The following SLC37A3 variants were observed in gnomAD, a reference collection of about 807,000 sequenced individuals.
The protein encoded by SLC37A3 is solute carrier family 37 member 3.
In SLC37A3, 51 loss-of-function variants were observed where a neutral mutation model predicts 67.1. The observed-to-expected ratio is 0.76, with a 90% CI of 0.61 to 0.96. SLC37A3 has a LOEUF of 0.96. SLC37A3 is among the 40% of genes least tolerant of loss of function. The pLI is 0.00. For synonymous variants in SLC37A3, 214 were observed against 231.4 expected, an observed-to-expected ratio of 0.92 and a Z score of 0.68; for missense variants, 508 against 603.0, an observed-to-expected ratio of 0.84 and a Z score of 1.65.
intron 2 of SLC37A3, among the ~76,000 whole-genome samples, chr7:140,381,187 C>T (rs1431943204): frequency 2.7e-5 from 4 of 145,770 alleles, no homozygotes; most frequent in East Asian, 4.3e-4. Flanking sequence ...CATGAGCCAC[C>T]GTGCCTGGCC....
At chr7:140,363,757 AAAAAAAAAG>A (rs1797480506) in intron 5 of SLC37A3, among the ~76,000 whole-genome samples, 1 of 131,684 alleles carries the variant, frequency 7.6e-6, no homozygotes, top group Non-Finnish European at 1.7e-5. Context: ...AAAAAAAAAA[AAAAAAAAAG>A]AAAGGAGCGG....
intron 6 of SLC37A3, among the ~76,000 whole-genome samples, chr7:140,358,045 C>T (rs540949648): frequency 6.6e-6 from 1 of 152,144 alleles, no homozygotes; most frequent in African/African-American, 2.4e-5. Flanking sequence ...CACTGCACTC[C>T]AGCCTGGTGA....
chr7:140,335,640 A>C, intron 14 of SLC37A3, 136 bp from the exon 15 acceptor site: 1 of 1,118,334 alleles, frequency 8.9e-7, no homozygotes, highest in Non-Finnish European at 1.2e-6. Context: ...ATCTTCAATG[A>C]ATTAGAAAAT....
At chr7:140,396,876 ATTTCTG>A (rs1798946200) in intron 1 of SLC37A3, among the ~76,000 whole-genome samples, 2 of 141,076 alleles carry the variant, frequency 1.4e-5, no homozygotes, top group South Asian at 4.5e-4. Flanking sequence ...CTGAATCTCA[ATTTCTG>A]TTTTTTTTTT....
intron 3 of SLC37A3, among the ~76,000 whole-genome samples, chr7:140,375,176 A>AC (rs1388782140): frequency 7.4e-5 from 8 of 108,508 alleles, no homozygotes; most frequent in Admixed American, 4.1e-4. Flanking sequence ...AAAAACAACA[A>AC]AAAAAAAACA....
intron 1 of SLC37A3, among the ~76,000 whole-genome samples, chr7:140,388,115 A>T (rs932904153): frequency 2.8e-5 from 4 of 144,506 alleles, no homozygotes; most frequent in African/African-American, 1.0e-4. Context: ...TTATTTTAAA[A>T]GACAAAAAAA....
At chr7:140,336,593 T>C (rs1036545198) in intron 14 of SLC37A3, among the ~76,000 whole-genome samples, 2 of 152,216 alleles carry the variant, frequency 1.3e-5, no homozygotes, top group South Asian at 2.1e-4. Context: ...GCAATGCTTC[T>C]CTTTTAACTC....
At chr7:140,366,822 A>G (rs542268238) in intron 4 of SLC37A3, among the ~76,000 whole-genome samples, 1 of 152,262 alleles carries the variant, frequency 6.6e-6, no homozygotes, top group East Asian at 1.9e-4. Context: ...TCCTCTTTGA[A>G]GAAAAGATAC....
At chr7:140,367,395 C>T (rs1797644711) in intron 4 of SLC37A3, among the ~76,000 whole-genome samples, 1 of 152,036 alleles carries the variant, frequency 6.6e-6, no homozygotes, top group Admixed American at 6.6e-5. Context: ...GAGATAGCAC[C>T]ATTGCACTCC....
chr7:140,339,737 C>T (rs1356542866), intron 13 of SLC37A3, among the ~76,000 whole-genome samples: 3 of 150,724 alleles, frequency 2.0e-5, no homozygotes, highest in Non-Finnish European at 3.0e-5. Flanking sequence ...GTCACCTTTC[C>T]TGTTTGTTTT....
At chr7:140,343,678 A>G (rs1796447843) in intron 12 of SLC37A3, 115 bp from the exon 13 acceptor site, 1 of 1,095,084 alleles carries the variant, frequency 9.1e-7, no homozygotes, top group African/African-American at 1.6e-5. Context: ...GAAGTGGAAA[A>G]AAAAGGAAAC....
intron 12 of SLC37A3, chr7:140,343,771 T>C (rs1415811327): frequency 5.6e-6 from 3 of 537,156 alleles, no homozygotes; most frequent in Admixed American, 7.3e-5. Flanking sequence ...GACACTCTAG[T>C]ATATTTTGTA....
rs897235591 is a variant in SLC37A3, at chr7:140,348,779, G to A, written c.883-12C>T. 6.2e-7 allele frequency: 1 copy of A among 1,611,686 alleles called. No individual in the cohort carries two copies. The highest frequency in any genetic ancestry group is 1.3e-5 in the African/African-American group (1 of 74,854). The stretch of plus-strand genomic sequence containing the variant: ...TAGGCCAGTGAGTACTACAAGAAAA[G>A]CATTCAACTATCAGCGAGGGACAAA... On this transcript the variant is annotated splice_polypyrimidine_tract_variant and intron_variant, in intron 9 of 14. Transcript: ENST00000326232.
At chr7:140,380,239 C>T (rs1280052651) in intron 3 of SLC37A3, 43 bp downstream of exon 3, 17 of 1,243,536 alleles carry the variant, frequency 1.4e-5, no homozygotes, top group South Asian at 2.5e-5. Flanking sequence ...GGGGTGGGCA[C>T]GGTCTCCTAC....
At chr7:140,383,709 C>T (rs1405389476) in intron 1 of SLC37A3, among the ~76,000 whole-genome samples, 2 of 151,760 alleles carry the variant, frequency 1.3e-5, no homozygotes, top group Admixed American at 1.3e-4. Context: ...CAGGGTCTCA[C>T]TCTGTCACCC....
At chr7:140,368,494 G>A (rs1797695483) in intron 4 of SLC37A3, among the ~76,000 whole-genome samples, 1 of 152,158 alleles carries the variant, frequency 6.6e-6, no homozygotes, top group African/African-American at 2.4e-5. Flanking sequence ...TTGAACCCGA[G>A]AGGTGGAGGT....
chr7:140,353,635 C>T (rs1585280502), intron 7 of SLC37A3, among the ~76,000 whole-genome samples: 1 of 152,208 alleles, frequency 6.6e-6, no homozygotes, highest in African/African-American at 2.4e-5. Flanking sequence ...AGCATATTCT[C>T]TTTCATTCTT....
chr7:140,335,587 G>C (rs907812343), intron 14 of SLC37A3, 83 bp from the exon 15 acceptor site: 15 of 1,470,240 alleles, frequency 1.0e-5, no homozygotes, highest in Non-Finnish European at 1.4e-5. Flanking sequence ...TAATGGATTT[G>C]GACAATTACA....
intron 4 of SLC37A3, among the ~76,000 whole-genome samples, chr7:140,367,204 C>A (rs368098759): frequency 1.3e-5 from 2 of 149,922 alleles, no homozygotes; most frequent in South Asian, 4.2e-4. Context: ...TGGAAGGCAG[C>A]GGTAAGTGGA....
Sources: allele counts gnomAD v4.1 joint callset (sites outside exome capture counted in the v4.1 genomes callset), GRCh38; gene constraint gnomAD v4.1.1; transcripts MANE v1.5; gene names NCBI Gene and HGNC (gene_info 2026-07-23, HGNC 2026-07-21).